MIR2052HG: variants seen among roughly 807,000 people sequenced by gnomAD.
MIR2052HG encodes MIR2052 host gene.
chr8:74,612,767 AT>A (rs536595692), intron 1 of MIR2052HG: 477 of 394,274 alleles, frequency 1.2e-3, no homozygotes, highest in African/African-American at 8.9e-3. Flanking sequence ...CATTTTAGTT[AT>A]TTTTCTTTCT....
intron 2 of MIR2052HG, among the ~76,000 whole-genome samples, chr8:74,665,268 A>G (rs1808910076): frequency 6.6e-6 from 1 of 152,222 alleles, no homozygotes; most frequent in African/African-American, 2.4e-5. Context: ...GCAAACAGCA[A>G]CAATATGATA....
At chr8:74,753,645 C>T (rs1048978486) in intron 5 of MIR2052HG, among the ~76,000 whole-genome samples, 7 of 152,074 alleles carry the variant, frequency 4.6e-5, no homozygotes, top group Non-Finnish European at 8.8e-5. Context: ...TTCTTCTTAC[C>T]CCCAGGACTA....
intron 2 of MIR2052HG, among the ~76,000 whole-genome samples, chr8:74,697,065 A>T (rs773400178): frequency 4.6e-5 from 7 of 152,054 alleles, no homozygotes; most frequent in Non-Finnish European, 1.0e-4. Context: ...GAACATACAT[A>T]CAAGAATCCT....
At chr8:74,735,117 A>G (rs1400814007) in intron 4 of MIR2052HG, among the ~76,000 whole-genome samples, 1 of 152,208 alleles carries the variant, frequency 6.6e-6, no homozygotes, top group Non-Finnish European at 1.5e-5. Context: ...GTATAAGATC[A>G]CAATCAAAAG....
chr8:74,714,069 A>G (rs1319539073), intron 4 of MIR2052HG, among the ~76,000 whole-genome samples: 1 of 152,104 alleles, frequency 6.6e-6, no homozygotes, highest in Non-Finnish European at 1.5e-5. Context: ...TAGGGTTTCT[A>G]TCATGTTCTC....
At chr8:74,722,536 A>G in intron 4 of MIR2052HG, among the ~76,000 whole-genome samples, 1 of 152,128 alleles carries the variant, frequency 6.6e-6, no homozygotes, top group Non-Finnish European at 1.5e-5. Context: ...GTCTCTTCTG[A>G]TATAACCTTG....
At chr8:74,756,473 T>C (rs1404507367) in intron 5 of MIR2052HG, 1 of 152,254 alleles carries the variant, frequency 6.6e-6, no homozygotes, top group Non-Finnish European at 1.5e-5. Context: ...ATACAGATTC[T>C]TTATGATACC....
At chr8:74,624,432 T>A (rs1238903508) in intron 2 of MIR2052HG, among the ~76,000 whole-genome samples, 2 of 152,268 alleles carry the variant, frequency 1.3e-5, no homozygotes, top group Non-Finnish European at 2.9e-5. Context: ...GGAACCTGTC[T>A]GTTATTGAAA....
chr8:74,690,059 C>CA (rs1426213398), intron 2 of MIR2052HG, among the ~76,000 whole-genome samples: 1 of 152,138 alleles, frequency 6.6e-6, no homozygotes, highest in Non-Finnish European at 1.5e-5. Context: ...GATAAACTCA[C>CA]AAAAAAGGTG....
At chr8:74,686,428 C>T (rs550620085) in intron 2 of MIR2052HG, among the ~76,000 whole-genome samples, 5 of 152,076 alleles carry the variant, frequency 3.3e-5, no homozygotes, top group Non-Finnish European at 7.4e-5. Flanking sequence ...ATTTGTAGAA[C>T]CTTCTAGCAT....
chr8:74,600,234 G>T (rs564744036), intron 1 of MIR2052HG, among the ~76,000 whole-genome samples: 21 of 151,936 alleles, frequency 1.4e-4, no homozygotes, highest in African/African-American at 5.1e-4. Flanking sequence ...GTTCCTATTC[G>T]GCCATCTTGG....
intron 2 of MIR2052HG, among the ~76,000 whole-genome samples, chr8:74,631,272 A>G (rs1364872269): frequency 6.6e-6 from 1 of 152,204 alleles, no homozygotes; most frequent in Non-Finnish European, 1.5e-5. Flanking sequence ...GGGAAATTAA[A>G]TATACATCTG....
rs766842908 is a variant in MIR2052HG, at chr8:74,699,416, G to GTGTATA, written n.217-2962_217-2961insGTATAT. Among the ~76,000 whole-genome samples, 12 of 148,180 alleles carry GTGTATA rather than the reference G, an allele frequency of 8.1e-5. 1 individual carries two copies. The highest frequency in any genetic ancestry group is 2.7e-4 in the African/African-American group (11 of 40,308). ...AGTATGTGTATGTGTGTGTGTGTGT[G>GTGTATA]TATATATATATATATATATACACCA... On this transcript the variant is annotated intron_variant and non_coding_transcript_variant, in intron 2 of 6. Coordinates refer to ENST00000523442, the Ensembl canonical transcript of MIR2052HG.
intron 2 of MIR2052HG, among the ~76,000 whole-genome samples, chr8:74,681,361 C>A (rs950066262): frequency 6.6e-6 from 1 of 151,948 alleles, no homozygotes; most frequent in Non-Finnish European, 1.5e-5. Context: ...AGAGGGTCTA[C>A]AGGTGAGCCA....
At chr8:74,602,833 C>CTTTCTTTCTTTCTTTCTTTCTTTCT in intron 1 of MIR2052HG, among the ~76,000 whole-genome samples, 3 of 134,366 alleles carry the variant, frequency 2.2e-5, no homozygotes, top group Admixed American at 8.1e-5. Context: ...TTCTTTCTTT[C>CTTTCTTTCTTTCTTTCTTTCTTTCT]TTTCTTTCTT....
intron 2 of MIR2052HG, among the ~76,000 whole-genome samples, chr8:74,652,594 A>G (rs927619525): frequency 2.6e-5 from 4 of 152,224 alleles, no homozygotes; most frequent in Non-Finnish European, 5.9e-5. Flanking sequence ...GGTTAAATAT[A>G]TCATGACCTT....
At chr8:74,671,166 T>A (rs1808988513) in intron 2 of MIR2052HG, among the ~76,000 whole-genome samples, 1 of 151,556 alleles carries the variant, frequency 6.6e-6, no homozygotes, top group Non-Finnish European at 1.5e-5. Context: ...GGAAAGGAAG[T>A]GGGAAAAGGA....
chr8:74,660,146 G>A (rs533041218), intron 2 of MIR2052HG, among the ~76,000 whole-genome samples: 1 of 152,148 alleles, frequency 6.6e-6, no homozygotes, highest in Non-Finnish European at 1.5e-5. Context: ...TCTTTTTCAT[G>A]AAGTTTTGCT....
At chr8:74,691,872 C>T (rs1040507338) in intron 2 of MIR2052HG, among the ~76,000 whole-genome samples, 1 of 152,158 alleles carries the variant, frequency 6.6e-6, no homozygotes, top group African/African-American at 2.4e-5. Context: ...CTTCTCTCTA[C>T]CATTCTCCCA....
Sources: allele counts gnomAD v4.1 joint callset (sites outside exome capture counted in the v4.1 genomes callset), GRCh38; gene constraint gnomAD v4.1.1; transcripts MANE v1.5; gene names NCBI Gene and HGNC (gene_info 2026-07-23, HGNC 2026-07-21).